The following ASTN2 variants were observed in gnomAD, a reference collection of about 807,000 sequenced individuals.
ASTN2 encodes astrotactin-2.
A neutral mutation model predicts 139.8 loss-of-function variants in ASTN2; 54 were observed. The ratio of observed to expected loss-of-function variants is 0.39; its 90% CI spans 0.31 to 0.48. ASTN2 has a LOEUF of 0.48. ASTN2 is among the 20% of genes least tolerant of loss of function. The pLI, the probability that ASTN2 is intolerant of heterozygous loss-of-function variation, is 0.95. For missense variants in ASTN2, 1,565 were observed against 1,725.1 expected (o/e 0.91, Z 1.64); for synonymous variants, 756 against 719.5 (o/e 1.05, Z -0.81).
chr9:117,197,006 T>C (rs1217501927), intron 3 of ASTN2: 2 of 152,216 alleles, frequency 1.3e-5, no homozygotes, highest in East Asian at 3.8e-4. Flanking sequence ...TGATTTTTGG[T>C]ACACATCTGT....
At chr9:117,064,511 T>C (rs1827872820) in intron 5 of ASTN2, among the ~76,000 whole-genome samples, 2 of 152,146 alleles carry the variant, frequency 1.3e-5, no homozygotes, top group Admixed American at 1.3e-4. Flanking sequence ...GCAACGTAAA[T>C]GGAACTGGAG....
chr9:117,110,396 C>A (rs571413691), intron 4 of ASTN2, among the ~76,000 whole-genome samples: 2 of 152,020 alleles, frequency 1.3e-5, no homozygotes, highest in South Asian at 4.1e-4. Flanking sequence ...AATGGAAAAT[C>A]GCCTTAATAT....
chr9:117,255,534 T>A (rs887144310), intron 2 of ASTN2, among the ~76,000 whole-genome samples: 4 of 152,212 alleles, frequency 2.6e-5, no homozygotes, highest in African/African-American at 9.6e-5. Flanking sequence ...GCAGGTTCTT[T>A]ACTTCTAACT....
intron 10 of ASTN2, among the ~76,000 whole-genome samples, chr9:116,931,022 A>C (rs186411143): frequency 6.6e-6 from 1 of 152,138 alleles, no homozygotes; most frequent in Non-Finnish European, 1.5e-5. Flanking sequence ...CCCTCTGCCA[A>C]GTGACATCTT....
At chr9:117,379,846 A>T (rs138681357) in intron 1 of ASTN2, among the ~76,000 whole-genome samples, 1 of 152,326 alleles carries the variant, frequency 6.6e-6, no homozygotes, top group East Asian at 1.9e-4. Flanking sequence ...TTCCATTAAC[A>T]TGGCTGAAAA....
intron 20 of ASTN2, among the ~76,000 whole-genome samples, chr9:116,447,479 C>A (rs548610233): frequency 6.6e-6 from 1 of 152,274 alleles, no homozygotes; most frequent in East Asian, 1.9e-4. Context: ...ATTTCCCTTT[C>A]CTGGAAATCA....
At chr9:117,243,277 G>C (rs1833269842) in intron 2 of ASTN2, among the ~76,000 whole-genome samples, 1 of 152,132 alleles carries the variant, frequency 6.6e-6, no homozygotes. Flanking sequence ...TTGTGTCTCA[G>C]AAAGTAATTA....
At chr9:117,134,634 T>C (rs1829908522) in intron 4 of ASTN2, among the ~76,000 whole-genome samples, 1 of 152,120 alleles carries the variant, frequency 6.6e-6, no homozygotes, top group South Asian at 2.1e-4. Context: ...CTACCAGCAA[T>C]GTCTTCCCAA....
At chr9:117,116,690 C>A (rs34148427) in intron 4 of ASTN2, among the ~76,000 whole-genome samples, 1 of 150,978 alleles carries the variant, frequency 6.6e-6, no homozygotes, top group Admixed American at 6.6e-5. Context: ...TCTTTCCAAG[C>A]TAGGCTACAT....
At chr9:116,654,071 T>C (rs1158025754) in intron 16 of ASTN2, among the ~76,000 whole-genome samples, 1 of 152,164 alleles carries the variant, frequency 6.6e-6, no homozygotes, top group Non-Finnish European at 1.5e-5. Context: ...ACTTCAAACT[T>C]GGGAGAGAAT....
rs201468227 is a variant in ASTN2, at chr9:116,674,400, C to T, written c.2807-22607G>A. On this transcript the variant is annotated intron_variant, in intron 16 of 22. Transcript: ENST00000313400. Reference sequence around the variant, plus strand: ...TTAGCTGGCCCTGCCGGCATTTATTCAGCACAGATTTAATGACAAAGGCTT... The same window carrying T: ...TTAGCTGGCCCTGCCGGCATTTATTTAGCACAGATTTAATGACAAAGGCTT... Among the ~76,000 whole-genome samples, 13 of 152,324 alleles carry T rather than the reference C, an allele frequency of 8.5e-5. No individual in the cohort carries two copies. In the East Asian group the frequency reaches 1.9e-3, roughly 23 times the overall value.
rs371449284 is a variant in ASTN2 at position 117,039,838 on chromosome 9, G to A, written c.1404C>T (p.Pro468=). The change falls in exon 6 of 23, where the codon CCC becomes CCT. Residue 468 remains proline, a synonymous_variant. Transcript: ENST00000313400. ...PLTVKVTLHV[P]EHFIADGSSF... is the part of the protein sequence containing the mutation. ...TCTTACCATCTGCTATGAAGTGCTC[G>A]GGCACATGCAGAGTCACCTTCACAG... is the stretch of plus-strand genomic sequence containing the variant. 31 of 1,613,462 alleles carry A rather than the reference G, an allele frequency of 1.9e-5. No individual in the cohort carries two copies. Among genetic ancestry groups the A allele is most frequent in the South Asian group, 5.5e-5 (5 of 91,026 alleles).
chr9:116,687,377 G>GGGT, intron 16 of ASTN2: 1 of 342,948 alleles, frequency 2.9e-6, no homozygotes, highest in Non-Finnish European at 4.1e-6. Flanking sequence ...GCCGCGGGCG[G>GGGT]TCAGGTAGGG....
chr9:117,335,367 T>A (rs1828850977), intron 1 of ASTN2, among the ~76,000 whole-genome samples: 1 of 152,322 alleles, frequency 6.6e-6, no homozygotes, highest in South Asian at 2.1e-4. Flanking sequence ...TAAGCTCCTA[T>A]GTTTGGCAAG....
chr9:117,412,815 C>T (rs1177570653), intron 1 of ASTN2, among the ~76,000 whole-genome samples: 3 of 152,170 alleles, frequency 2.0e-5, no homozygotes, highest in Admixed American at 2.0e-4. Flanking sequence ...CCCTTCCCCA[C>T]GGGGAGGTGG....
chr9:116,657,697 T>C (rs1458780611), intron 16 of ASTN2, among the ~76,000 whole-genome samples: 1 of 152,104 alleles, frequency 6.6e-6, no homozygotes, highest in Non-Finnish European at 1.5e-5. Context: ...AAAAATTAGC[T>C]GGGCCTGTTG....
At chr9:116,786,759 C>A (rs1830389761) in intron 13 of ASTN2, among the ~76,000 whole-genome samples, 1 of 152,102 alleles carries the variant, frequency 6.6e-6, no homozygotes, top group Non-Finnish European at 1.5e-5. Context: ...TTGGCTGTGT[C>A]CCCACTGAAA....
intron 19 of ASTN2, among the ~76,000 whole-genome samples, chr9:116,545,332 T>C (rs969842673): frequency 6.6e-6 from 1 of 152,234 alleles, no homozygotes; most frequent in Non-Finnish European, 1.5e-5. Context: ...GAACTGTGGA[T>C]TGGAGTCTCC....
At chr9:116,547,843 C>G (rs956089309) in intron 19 of ASTN2, among the ~76,000 whole-genome samples, 13 of 152,114 alleles carry the variant, frequency 8.5e-5, no homozygotes, top group African/African-American at 3.1e-4. Context: ...TGAGCTGCCC[C>G]CCAAGCTGAG....
Sources: allele counts gnomAD v4.1 joint callset (sites outside exome capture counted in the v4.1 genomes callset), GRCh38; gene constraint gnomAD v4.1.1; transcripts MANE v1.5; gene names NCBI Gene and HGNC (gene_info 2026-07-23, HGNC 2026-07-21).